Variants in HPN observed in about 807,000 individuals in gnomAD.
HPN encodes hepsin.
Under a neutral mutation model 55.9 loss-of-function variants are expected in HPN, and 13 were observed. The ratio of observed to expected loss-of-function variants is 0.23; its 90% CI spans 0.15 to 0.37. The LOEUF (loss-of-function observed/expected upper bound fraction) is 0.37, where lower values mean the gene tolerates loss of function less well. Ranked by LOEUF, HPN falls within the 10% of genes least tolerant of loss-of-function variation. The pLI is 1.00. For synonymous variants in HPN, 225 were observed against 240.3 expected (o/e 0.94, Z 0.59); for missense variants, 451 against 575.8 (o/e 0.78, Z 2.22).
In HPN at chr19:35,060,520, C is replaced by A. The variant is rs1166222671; in HGVS notation, c.620+8C>A. 1 of 1,611,970 alleles carries A rather than the reference C, an allele frequency of 6.2e-7. No individual in the cohort carries two copies. Among genetic ancestry groups the A allele is most frequent in the East Asian group, 2.2e-5 (1 of 44,868 alleles). On this transcript the variant is annotated splice_region_variant and intron_variant, in intron 8 of 12. Coordinates refer to ENST00000672452, the MANE Select transcript of HPN (RefSeq NM_001384133.1). Reference sequence around the variant, plus strand: ...CGCCCACTGCTTCCCGGAGTGAGTGCCCCCCAATGGCGCTGATGATGGGGA... The same window carrying A: ...CGCCCACTGCTTCCCGGAGTGAGTGACCCCCAATGGCGCTGATGATGGGGA...
Position 35,060,188 on chromosome 19 carries a change from G to C in HPN, c.454+19G>C. On this transcript the variant is annotated intron_variant, in intron 7 of 12. Coordinates refer to ENST00000672452, the MANE Select transcript of HPN (RefSeq NM_001384133.1). ...TGCCAAGGTGAGATCCTAAAACTCA[G>C]AACCCTCTCCTTTAGGCCCTTGGGG... 6.2e-7 allele frequency: 1 copy of C among 1,613,866 alleles called. No homozygotes were observed. The highest frequency in any genetic ancestry group is 8.5e-7 in the Non-Finnish European group (1 of 1,180,018).
At chr19:35,062,267 A>C (rs1046709352) in intron 9 of HPN, among the ~76,000 whole-genome samples, 2 of 152,110 alleles carry the variant, frequency 1.3e-5, no homozygotes, top group African/African-American at 4.8e-5. Context: ...GGGTGATGAA[A>C]GATTCTAAGT....
At chr19:35,055,483 G>C (rs80025222) in intron 4 of HPN, among the ~76,000 whole-genome samples, 1 of 151,480 alleles carries the variant, frequency 6.6e-6, no homozygotes, top group African/African-American at 2.4e-5. Context: ...TGCTCCTTCC[G>C]TCCCCATCTC....
upstream of HPN, chr19:35,041,686 C>CCA: frequency 9.3e-7 from 1 of 1,080,946 alleles, no homozygotes; most frequent in Non-Finnish European, 1.2e-6. Flanking sequence ...CTCCCCGCCC[C>CCA]TTCACCCGCC....
intron 9 of HPN, among the ~76,000 whole-genome samples, chr19:35,063,970 G>T (rs796394018): frequency 1.3e-5 from 2 of 152,318 alleles, no homozygotes; most frequent in African/African-American, 4.8e-5. Context: ...GTGAACACTG[G>T]TAAATGTTAG....
chr19:35,059,555 TG>T, intron 4 of HPN, 117 bp from the exon 5 acceptor site: 1 of 1,303,048 alleles, frequency 7.7e-7, no homozygotes, highest in Non-Finnish European at 1.1e-6. Flanking sequence ...TCCGATGGGC[TG>T]GGGTTCACGT....
Position 35,059,663 on chromosome 19 carries a change from C to G in HPN, c.161-10C>G. The G allele has an allele frequency of 6.3e-7, 1 of 1,589,706 alleles. No individual in the cohort carries two copies. The highest frequency in any genetic ancestry group is 8.6e-7 in the Non-Finnish European group (1 of 1,168,864). ...GGACCCAGGCGGCCCCGGGCCCTGT[C>G]GCCCTGCAGTGCAGGTCAGCTCTGC... is the stretch of plus-strand genomic sequence containing the variant. On this transcript the variant is annotated splice_polypyrimidine_tract_variant and intron_variant, in intron 4 of 12. Transcript: ENST00000672452.
chr19:35,042,645 C>CA, intron 2 of HPN, 123 bp downstream of exon 2: 1 of 586,818 alleles, frequency 1.7e-6, no homozygotes, highest in Non-Finnish European at 2.7e-6. Flanking sequence ...GATGCATCCC[C>CA]ACCCCTGTTA....
At chr19:35,048,082 A>AAGAAAAGG (rs111546288) in intron 2 of HPN, among the ~76,000 whole-genome samples, 2,286 of 96,326 alleles carry the variant, frequency 0.024, 79 homozygotes, top group African/African-American at 0.066. Flanking sequence ...GAAAGAAAGA[A>AAGAAAAGG]AAGGAAGGAA....
At chr19:35,066,092 G>A (rs1600401213) in intron 12 of HPN, 60 bp downstream of exon 12, 1 of 1,610,824 alleles carries the variant, frequency 6.2e-7, no homozygotes, top group African/African-American at 1.3e-5. Context: ...AATGGGGGAA[G>A]GGAGGCAGAG....
intron 4 of HPN, 171 bp from the exon 5 acceptor site, chr19:35,059,502 G>A: frequency 1.2e-6 from 1 of 846,364 alleles, no homozygotes; most frequent in Non-Finnish European, 1.9e-6. Context: ...AAGTCCTTGA[G>A]TCATGATTCC....
chr19:35,049,270 C>T lies in HPN; in HGVS notation c.17-20C>T, dbSNP rs1224082603. The T allele has an allele frequency of 6.6e-7, 1 of 1,512,586 alleles. No individual in the cohort carries two copies. The highest frequency in any genetic ancestry group is 1.3e-5 in the South Asian group (1 of 75,880). The allele number at this position is 1,512,586 out of a possible 1,614,324, so 93.7% of individuals were successfully genotyped here. A position where few individuals can be genotyped will look rare whatever the true frequency, so the allele number is the denominator to read the frequency against. On this transcript the variant is annotated intron_variant, in intron 2 of 12. Coordinates refer to ENST00000672452, the MANE Select transcript of HPN (RefSeq NM_001384133.1). ...ATGAGGACAGGCCTGGCTGTGGCCCCAGCATGGTGTCTGTTGCAGGTGGCC... is the reference window on the plus strand; with the variant it reads ...ATGAGGACAGGCCTGGCTGTGGCCCTAGCATGGTGTCTGTTGCAGGTGGCC...
chr19:35,050,577 AAACT>A (rs1167060494), intron 4 of HPN: 13 of 1,225,102 alleles, frequency 1.1e-5, no homozygotes, highest in Middle Eastern at 2.2e-4. Flanking sequence ...ATAGATAAAG[AAACT>A]AACTGTGGGA....
chr19:35,053,256 AT>A (rs1182927334), intron 4 of HPN, among the ~76,000 whole-genome samples: 1 of 151,928 alleles, frequency 6.6e-6, no homozygotes, highest in Non-Finnish European at 1.5e-5. Context: ...CTATAAAGTG[AT>A]TTTCCCCCCT....
At chr19:35,065,814 G>A (rs1334758854) in intron 11 of HPN, 54 bp from the exon 12 acceptor site, 16 of 1,605,718 alleles carry the variant, frequency 1.0e-5, no homozygotes, top group Non-Finnish European at 1.3e-5. Context: ...TCCCGGGGTG[G>A]GCCTCCTGTC....
intron 9 of HPN, among the ~76,000 whole-genome samples, chr19:35,061,237 C>T (rs897764154): frequency 1.3e-5 from 2 of 152,188 alleles, no homozygotes; most frequent in South Asian, 2.1e-4. Context: ...GTGGCTCATG[C>T]CTGTAATCCC....
rs868306911 is a variant in HPN at position 35,060,475 on chromosome 19, G to C, written c.583G>C (p.Gly195Arg). The C allele has an allele frequency of 1.9e-6, 3 of 1,613,100 alleles. No individual in the cohort carries two copies. The highest frequency in any genetic ancestry group is 2.5e-6 in the Non-Finnish European group (3 of 1,179,980). ...CCTCTGTGGGGGATCCCTGCTCTCC[G>C]GGGACTGGGTGCTGACAGCCGCCCA... ...AHLCGGSLLS[G>R]DWVLTAAHCF... Residue 195 changes from glycine to arginine, a missense_variant, in exon 8 of 13, where the codon GGG becomes CGG. Gly to Arg is a moderately radical substitution (Grantham distance 125). Transcript: ENST00000672452.
rs761919154 is a variant in HPN, at chr19:35,066,321, C to A, written c.*34C>A. Reference sequence around the variant, plus strand: ...TTCTCGCTGCGCAGCCTCCAGGGCCCGAGGTGATCCCGGTGGTGGGATCCA... The same window carrying A: ...TTCTCGCTGCGCAGCCTCCAGGGCCAGAGGTGATCCCGGTGGTGGGATCCA... On this transcript the variant is annotated 3_prime_UTR_variant, in exon 13 of 13. Coordinates refer to ENST00000672452, the MANE Select transcript of HPN (RefSeq NM_001384133.1). 2 of 1,596,308 alleles carry A rather than the reference C, an allele frequency of 1.3e-6. No individual in the cohort carries two copies. The highest frequency in any genetic ancestry group is 1.7e-6 in the Non-Finnish European group (2 of 1,172,662).
chr19:35,063,405 C>T (rs1457899428), intron 9 of HPN, among the ~76,000 whole-genome samples: 2 of 152,192 alleles, frequency 1.3e-5, no homozygotes, highest in Admixed American at 6.5e-5. Context: ...GTGATACATG[C>T]TTTTCTTTAA....
Sources: gnomAD v4.1 joint callset for allele counts (sites outside exome capture counted in the v4.1 genomes callset) on GRCh38, gnomAD v4.1.1 for gene constraint, MANE v1.5 for transcripts, NCBI Gene and HGNC (gene_info 2026-07-23, HGNC 2026-07-21) for gene names.